Variants in FGGY observed in about 807,000 individuals in gnomAD.
FGGY encodes FGGY carbohydrate kinase domain-containing protein.
A neutral mutation model predicts 71.3 loss-of-function variants in FGGY; 72 were observed. The ratio of observed to expected loss-of-function variants is 1.01; its 90% CI spans 0.84 to 1.23. FGGY has a LOEUF of 1.23. Among genes scored for constraint, FGGY ranks in the 50% most tolerant of loss-of-function variants. The pLI, the probability that FGGY is intolerant of heterozygous loss-of-function variation, is 0.00. For synonymous variants in FGGY, 251 were observed against 250.3 expected (o/e 1.00, Z -0.02); for missense variants, 668 against 682.3 (o/e 0.98, Z 0.23).
At chr1:59,546,176 A>G (rs1234801423) in intron 7 of FGGY, among the ~76,000 whole-genome samples, 1 of 152,182 alleles carries the variant, frequency 6.6e-6, no homozygotes, top group Non-Finnish European at 1.5e-5. Flanking sequence ...TGTTCCCCTC[A>G]GTTAATCTCC....
At chr1:59,747,875 A>C (rs1446983534) in intron 14 of FGGY, among the ~76,000 whole-genome samples, 1 of 152,204 alleles carries the variant, frequency 6.6e-6, no homozygotes, top group Non-Finnish European at 1.5e-5. Context: ...AAAGCTGGAG[A>C]TCTGCCTGTT....
intron 7 of FGGY, among the ~76,000 whole-genome samples, chr1:59,517,478 G>A (rs1161476877): frequency 6.6e-6 from 1 of 151,776 alleles, no homozygotes; most frequent in African/African-American, 2.4e-5. Flanking sequence ...TTTTAGCCGG[G>A]ATGGTCTCGA....
intron 6 of FGGY, among the ~76,000 whole-genome samples, chr1:59,481,024 C>A (rs2093447762): frequency 6.6e-6 from 1 of 152,032 alleles, no homozygotes; most frequent in East Asian, 1.9e-4. Context: ...TTGACATACA[C>A]ACATATAATT....
rs774068192 is a variant in FGGY at position 59,346,438 on chromosome 1, A to G, written c.465+40A>G. 6 of 1,604,352 alleles carry G rather than the reference A, an allele frequency of 3.7e-6. No individual in the cohort carries two copies. In the Admixed American group the frequency reaches 8.4e-5, roughly 22 times the overall value. ...TCTAAGAGAAGATACCAACAATAGT[A>G]GAGGATTCCTGTTACTGTGGACCTG... is the stretch of plus-strand genomic sequence containing the variant. On this transcript the variant is annotated intron_variant, in intron 4 of 15. Transcript: ENST00000303721.
At chr1:59,432,153 G>A (rs529076378) in intron 5 of FGGY, among the ~76,000 whole-genome samples, 77 of 152,240 alleles carry the variant, frequency 5.1e-4, no homozygotes, top group Non-Finnish European at 1.0e-3. Context: ...GAGAGCTCCC[G>A]GGTTGGTGAA....
intron 14 of FGGY, among the ~76,000 whole-genome samples, chr1:59,677,623 A>G (rs1372899467): frequency 6.6e-6 from 1 of 152,160 alleles, no homozygotes; most frequent in Non-Finnish European, 1.5e-5. Flanking sequence ...GGGTGATACC[A>G]ATGGATCCAC....
At chr1:59,651,351 G>T (rs368097163) in intron 11 of FGGY, among the ~76,000 whole-genome samples, 1 of 150,600 alleles carries the variant, frequency 6.6e-6, no homozygotes, top group African/African-American at 2.5e-5. Flanking sequence ...TGACAGTGGG[G>T]TGTTAAAGTC....
At chr1:59,307,949 G>C (rs568393326) in intron 1 of FGGY, among the ~76,000 whole-genome samples, 90 of 152,244 alleles carry the variant, frequency 5.9e-4, no homozygotes, top group African/African-American at 2.2e-3. Flanking sequence ...TGCTGGGCTG[G>C]ATGGGCCAGT....
intron 7 of FGGY, among the ~76,000 whole-genome samples, chr1:59,544,349 G>A (rs1486998669): frequency 6.6e-6 from 1 of 152,202 alleles, no homozygotes; most frequent in East Asian, 1.9e-4. Flanking sequence ...GGGGAACTTA[G>A]CAAAGCCTGT....
At chr1:59,473,174 T>A (rs2093065705) in intron 6 of FGGY, among the ~76,000 whole-genome samples, 1 of 152,138 alleles carries the variant, frequency 6.6e-6, no homozygotes, top group African/African-American at 2.4e-5. Flanking sequence ...CCACTTTGCC[T>A]TTATGAGCTG....
At chr1:59,544,610 G>A (rs993893509) in intron 7 of FGGY, among the ~76,000 whole-genome samples, 1 of 152,030 alleles carries the variant, frequency 6.6e-6, no homozygotes, top group African/African-American at 2.4e-5. Context: ...CCATATTTTG[G>A]GATAGCATGT....
chr1:59,477,326 T>A (rs1428174757), intron 6 of FGGY, among the ~76,000 whole-genome samples: 1 of 152,164 alleles, frequency 6.6e-6, no homozygotes, highest in Non-Finnish European at 1.5e-5. Context: ...GAGATACCCA[T>A]GACCTTTTAA....
chr1:59,527,516 C>G (rs1037886871), intron 7 of FGGY, among the ~76,000 whole-genome samples: 3 of 152,214 alleles, frequency 2.0e-5, no homozygotes, highest in Non-Finnish European at 4.4e-5. Flanking sequence ...CTGCCCCTTT[C>G]TCTTCACCCC....
chr1:59,610,052 G>C (rs1310511875), intron 9 of FGGY, among the ~76,000 whole-genome samples: 1 of 152,198 alleles, frequency 6.6e-6, no homozygotes, highest in Non-Finnish European at 1.5e-5. Context: ...ATTTAAACTT[G>C]TGCTATGTAC....
chr1:59,567,618 A>G (rs1384872784), intron 8 of FGGY, among the ~76,000 whole-genome samples: 2 of 151,758 alleles, frequency 1.3e-5, no homozygotes, highest in South Asian at 2.1e-4. Context: ...ATTTGCTATG[A>G]TCTTGGAAGA....
intron 14 of FGGY, among the ~76,000 whole-genome samples, chr1:59,679,903 A>G (rs972491035): frequency 2.0e-5 from 3 of 152,190 alleles, no homozygotes; most frequent in Non-Finnish European, 4.4e-5. Flanking sequence ...GAATGCTGCA[A>G]CTGACATCTC....
At chr1:59,499,947 A>G (rs950584856) in intron 6 of FGGY, among the ~76,000 whole-genome samples, 1 of 152,158 alleles carries the variant, frequency 6.6e-6, no homozygotes, top group African/African-American at 2.4e-5. Context: ...ATATACATAT[A>G]TATGTTTGTA....
intron 14 of FGGY, among the ~76,000 whole-genome samples, chr1:59,688,401 G>C (rs1342524781): frequency 6.6e-6 from 1 of 152,188 alleles, no homozygotes; most frequent in African/African-American, 2.4e-5. Context: ...ACTTATATCT[G>C]TTCCTCAAAG....
At chr1:59,394,323 A>G (rs182368077) in intron 5 of FGGY, among the ~76,000 whole-genome samples, 11 of 152,330 alleles carry the variant, frequency 7.2e-5, no homozygotes, top group Admixed American at 7.2e-4. Flanking sequence ...CTTTTCTTAA[A>G]GAGCCTTTAC....
Sources: allele counts gnomAD v4.1 joint callset (sites outside exome capture counted in the v4.1 genomes callset), GRCh38; gene constraint gnomAD v4.1.1; transcripts MANE v1.5; gene names NCBI Gene and HGNC (gene_info 2026-07-23, HGNC 2026-07-21).